Variants in POLR2B observed in about 807,000 individuals in gnomAD.
The protein encoded by POLR2B is RNA polymerase II subunit B.
Under a neutral mutation model 144.6 loss-of-function variants are expected in POLR2B, and 57 were observed. The ratio of observed to expected loss-of-function variants is 0.39; its 90% CI spans 0.32 to 0.49. POLR2B has a LOEUF of 0.49. Among genes scored for constraint, POLR2B ranks in the 20% least tolerant of loss-of-function variants. The pLI is 0.83. For missense variants in POLR2B, 595 were observed against 1,467.4 expected (o/e 0.41, Z 9.71); for synonymous variants, 442 against 469.8 (o/e 0.94, Z 0.77).
intron 6 of POLR2B, among the ~76,000 whole-genome samples, chr4:56,996,845 GGA>G (rs1179917618): frequency 6.6e-6 from 1 of 152,108 alleles, no homozygotes; most frequent in Non-Finnish European, 1.5e-5. Flanking sequence ...CAGCACTTTG[GGA>G]GGCTGAGGTG....
chr4:56,992,191 G>A (rs1217590391), intron 3 of POLR2B, among the ~76,000 whole-genome samples: 1 of 152,012 alleles, frequency 6.6e-6, no homozygotes, highest in Non-Finnish European at 1.5e-5. Flanking sequence ...TGGCCGGTGC[G>A]ATGGCTCATG....
At chr4:56,995,099 GC>G (rs1339590625) in intron 5 of POLR2B, 151 bp from the exon 6 acceptor site, 72 of 665,382 alleles carry the variant, frequency 1.1e-4, no homozygotes, top group Middle Eastern at 8.4e-4. Context: ...TTTCTATGAA[GC>G]ATTTATGCAA....
chr4:56,979,267 G>A (rs1722077031), intron 1 of POLR2B, among the ~76,000 whole-genome samples: 1 of 152,180 alleles, frequency 6.6e-6, no homozygotes, highest in South Asian at 2.1e-4. Context: ...GTTTCCTGTG[G>A]TGAAGTAGCG....
chr4:56,995,426 A>G lies in POLR2B; in HGVS notation c.735+17A>G, dbSNP rs1208392383. On this transcript the variant is annotated intron_variant, in intron 6 of 24. Transcript: ENST00000314595. ...GGAGGACAGGTATGGACTGGATATG[A>G]TGCTATTTGGGTTTATTCCTTTGTG... The G allele has an allele frequency of 6.4e-7, 1 of 1,564,898 alleles. No homozygotes were observed. Among genetic ancestry groups the G allele is most frequent in the Non-Finnish European group, 8.7e-7 (1 of 1,147,374 alleles).
chr4:57,026,744 G>C (rs548097051), intron 23 of POLR2B, among the ~76,000 whole-genome samples: 1 of 133,688 alleles, frequency 7.5e-6, no homozygotes, highest in East Asian at 2.0e-4. Flanking sequence ...CTGGGCGACA[G>C]AGTGAGACTC....
intron 2 of POLR2B, among the ~76,000 whole-genome samples, chr4:56,989,048 A>G (rs1357262042): frequency 1.3e-5 from 2 of 152,196 alleles, no homozygotes; most frequent in Admixed American, 6.5e-5. Context: ...TTACTTTTTA[A>G]TATCAAGTGA....
intron 1 of POLR2B, among the ~76,000 whole-genome samples, chr4:56,980,086 T>C (rs1722108923): frequency 7.3e-6 from 1 of 137,030 alleles, no homozygotes; most frequent in Non-Finnish European, 1.5e-5. Context: ...AAGCAAAAGC[T>C]TAATTTTTTT....
intron 1 of POLR2B, among the ~76,000 whole-genome samples, chr4:56,982,958 C>T (rs773911182): frequency 2.3e-4 from 35 of 152,158 alleles, no homozygotes; most frequent in Non-Finnish European, 4.6e-4. Context: ...GGTTCTGTCT[C>T]CTAAATATGT....
chr4:56,981,423 C>T (rs1722154869), intron 1 of POLR2B, among the ~76,000 whole-genome samples: 1 of 152,162 alleles, frequency 6.6e-6, no homozygotes, highest in African/African-American at 2.4e-5. Flanking sequence ...GGATACATTT[C>T]TACATATAAA....
At chr4:56,981,956 T>TC (rs1722168576) in intron 1 of POLR2B, among the ~76,000 whole-genome samples, 1 of 152,232 alleles carries the variant, frequency 6.6e-6, no homozygotes, top group African/African-American at 2.4e-5. Flanking sequence ...GATGACATCT[T>TC]CCCGGAAACT....
At chr4:56,985,022 T>A (rs1388917187) in intron 1 of POLR2B, among the ~76,000 whole-genome samples, 1 of 152,104 alleles carries the variant, frequency 6.6e-6, no homozygotes, top group Non-Finnish European at 1.5e-5. Flanking sequence ...GTGACTCTGG[T>A]TCATTTGGGA....
chr4:57,020,295 G>A (rs769276833), intron 16 of POLR2B, among the ~76,000 whole-genome samples: 2 of 152,142 alleles, frequency 1.3e-5, no homozygotes, highest in African/African-American at 2.4e-5. Context: ...GCCTCCCAAA[G>A]TGCTGGGATT....
intron 1 of POLR2B, among the ~76,000 whole-genome samples, chr4:56,985,973 C>T (rs925251942): frequency 6.6e-6 from 1 of 152,196 alleles, no homozygotes; most frequent in Non-Finnish European, 1.5e-5. Context: ...CATACCTGTA[C>T]ATGTATGAAA....
At chr4:57,014,243 G>A (rs1723291759) in intron 13 of POLR2B, among the ~76,000 whole-genome samples, 1 of 152,202 alleles carries the variant, frequency 6.6e-6, no homozygotes, top group Admixed American at 6.5e-5. Context: ...TGCCCAGGCT[G>A]GAGTGCAGTG....
At chr4:57,015,369 T>G in intron 13 of POLR2B, 133 bp from the exon 14 acceptor site, 1 of 434,828 alleles carries the variant, frequency 2.3e-6, no homozygotes, top group Admixed American at 4.2e-5. Context: ...AATGGTAAAC[T>G]AAGATTTGCA....
rs564245683 is a variant in POLR2B at position 57,003,939 on chromosome 4, C to T, written c.901-1307C>T. Among the ~76,000 whole-genome samples, 27 of 151,130 alleles carry T rather than the reference C, an allele frequency of 1.8e-4. 2 individuals carry two copies. The highest frequency in any genetic ancestry group is 2.7e-4 in the Non-Finnish European group (18 of 67,846). On this transcript the variant is annotated intron_variant, in intron 7 of 24. Coordinates refer to ENST00000314595, the MANE Select transcript of POLR2B (RefSeq NM_000938.3). ...AGCTACCACTGCATTCCAGCCAGGG[C>T]GACAGAGTGAGACCCTGTCTCAAAA...
At chr4:56,992,647 C>G (rs935155041) in intron 3 of POLR2B, among the ~76,000 whole-genome samples, 1 of 149,622 alleles carries the variant, frequency 6.7e-6, no homozygotes, top group East Asian at 2.1e-4. Flanking sequence ...GCAGGCTCCG[C>G]CTTCCGGGTT....
chr4:56,989,970 C>G (rs549192737), intron 2 of POLR2B, among the ~76,000 whole-genome samples: 1 of 152,166 alleles, frequency 6.6e-6, no homozygotes, highest in East Asian at 1.9e-4. Context: ...ATTTTTATCA[C>G]CAGTCTTTTG....
In POLR2B at chr4:57,015,665, A is replaced by C; in HGVS notation, c.1955+9A>C. ...GAATATAACAACTATAGGTAAAAAC[A>C]TGCAGTGAGAAAAATGTGTGTATTA... On this transcript the variant is annotated intron_variant, in intron 14 of 24. Transcript: ENST00000314595. 7.6e-7 allele frequency: 1 copy of C among 1,322,644 alleles called. No individual in the cohort carries two copies. The highest frequency in any genetic ancestry group is 1.0e-6 in the Non-Finnish European group (1 of 994,576). 81.9% of individuals were successfully genotyped at this position (1,322,644 alleles called of 1,614,324 possible).
Sources: allele counts gnomAD v4.1 joint callset (sites outside exome capture counted in the v4.1 genomes callset), GRCh38; gene constraint gnomAD v4.1.1; transcripts MANE v1.5; gene names NCBI Gene and HGNC (gene_info 2026-07-23, HGNC 2026-07-21).